Variants in EMG1 observed in about 807,000 individuals in gnomAD.
EMG1 encodes the protein EMG1 N1-specific pseudouridine methyltransferase, also known as ribosomal RNA small subunit methyltransferase NEP1.
Under a neutral mutation model 26.9 loss-of-function variants are expected in EMG1, and 24 were observed. The observed-to-expected ratio is 0.89, with a 90% CI of 0.65 to 1.26. The LOEUF is 1.26. Ranked by LOEUF, EMG1 falls within the 50% of genes most tolerant of loss-of-function variation. The probability of loss-of-function intolerance (pLI) is 0.00; values close to 1 mark genes in which losing one functional copy is unlikely to be tolerated. For synonymous variants in EMG1, 140 were observed against 112.6 expected (o/e 1.24, Z -1.54); for missense variants, 299 against 307.6 (o/e 0.97, Z 0.21).
downstream of EMG1, among the ~76,000 whole-genome samples, chr12:6,990,759 A>G (rs782510835): frequency 1.2e-4 from 18 of 150,600 alleles, no homozygotes; most frequent in South Asian, 2.3e-3. Flanking sequence ...CCTACTAAAA[A>G]TACAAAAACC....
At chr12:6,971,183 A>C in intron 1 of EMG1, 92 bp downstream of exon 1, 1 of 1,086,808 alleles carries the variant, frequency 9.2e-7, no homozygotes, top group African/African-American at 1.6e-5. Context: ...TGTAGAAAGC[A>C]GAGAGGGGTG....
Position 6,979,309 on chromosome 12 carries a change from A to G in EMG1, c.*3500A>G, listed in dbSNP as rs1285513092. 9.6e-6 allele frequency: 6 copies of G among 627,612 alleles called. No homozygotes were observed. 38.9% of individuals were successfully genotyped at this position (627,612 alleles called of 1,614,324 possible). A position where few individuals can be genotyped will look rare whatever the true frequency, so the allele number is the denominator to read the frequency against. Reference sequence around the variant, plus strand: ...GGTTGTTCAGTGCTGGCTGATGAACATGTCCCAGCACGGCTGGCATTGACA... The same window carrying G: ...GGTTGTTCAGTGCTGGCTGATGAACGTGTCCCAGCACGGCTGGCATTGACA... On this transcript the variant is annotated 3_prime_UTR_variant, in exon 6 of 6. Transcript: ENST00000599672.
At chr12:6,988,987 GT>G (rs782790764), downstream of EMG1, among the ~76,000 whole-genome samples, 6 of 152,014 alleles carry the variant, frequency 3.9e-5, no homozygotes, top group African/African-American at 7.2e-5. Context: ...TTAGCTGGGC[GT>G]GGTAGTGCAT....
At chr12:6,994,388 A>G (rs1363056844) in intron 7 of EMG1, among the ~76,000 whole-genome samples, 1 of 151,724 alleles carries the variant, frequency 6.6e-6, no homozygotes, top group African/African-American at 2.4e-5. Flanking sequence ...TTGTATTTTC[A>G]GTAGAGATGG....
In EMG1 at chr12:6,987,887, G is replaced by A. The variant is rs1946543962; in HGVS notation, c.*211+49G>A. 5.0e-6 allele frequency: 2 copies of A among 400,508 alleles called. No individual in the cohort carries two copies. The highest frequency in any genetic ancestry group is 4.4e-5 in the Admixed American group (1 of 22,712). 24.8% of individuals were successfully genotyped at this position (400,508 alleles called of 1,614,324 possible). On this transcript the variant is annotated intron_variant and NMD_transcript_variant, in intron 7 of 7. Coordinates refer to the EMG1 transcript ENST00000261406. This position sits in a 1 kb window ranked among gnomAD's most constrained non-coding sequence, Gnocchi z 4.1. ...TCTAACAAGGCCTACACTGTCCTGA[G>A]TTCTGAGTTCTTGTGTCCACTTCTT...
In EMG1 at chr12:6,977,882, G is replaced by C; in HGVS notation, c.*2073G>C. On this transcript the variant is annotated 3_prime_UTR_variant, in exon 6 of 6. Coordinates refer to ENST00000599672, the MANE Select transcript of EMG1 (RefSeq NM_006331.8). The surrounding 1 kb of genome is among the most constrained non-coding windows in gnomAD (Gnocchi z 4.5). Reference sequence around the variant, plus strand: ...CGTGTAGCCCCCAGAGGGTACAGGAGGCAGTGCTGACTGATTACTTTTAGA... The same window carrying C: ...CGTGTAGCCCCCAGAGGGTACAGGACGCAGTGCTGACTGATTACTTTTAGA... 1 of 1,002,740 alleles carries C rather than the reference G, an allele frequency of 1.0e-6. No homozygotes were observed. 62.1% of individuals were successfully genotyped at this position (1,002,740 alleles called of 1,614,324 possible). A position where few individuals can be genotyped will look rare whatever the true frequency, so the allele number is the denominator to read the frequency against.
downstream of EMG1, among the ~76,000 whole-genome samples, chr12:6,989,307 A>G (rs1482856774): frequency 6.7e-6 from 1 of 148,232 alleles, no homozygotes; most frequent in Non-Finnish European, 1.5e-5. Flanking sequence ...GACATTCAAA[A>G]TGCGTGTTTT....
rs1424218313 is a variant in EMG1 at position 6,979,501 on chromosome 12, T to C, written c.*3692T>C. On this transcript the variant is annotated 3_prime_UTR_variant, in exon 6 of 6. Coordinates refer to ENST00000599672, the MANE Select transcript of EMG1 (RefSeq NM_006331.8). ...AGTCTTCAGTGAGGAGATAGTCTTCTGTGATGTGGGGGCTGAGCAGTGTGT... is the reference window on the plus strand; with the variant it reads ...AGTCTTCAGTGAGGAGATAGTCTTCCGTGATGTGGGGGCTGAGCAGTGTGT... 3 of 1,613,928 alleles carry C rather than the reference T, an allele frequency of 1.9e-6. No individual in the cohort carries two copies. Among genetic ancestry groups the C allele is most frequent in the Non-Finnish European group, 2.5e-6 (3 of 1,179,762 alleles).
At chr12:6,973,122 A>C (rs1326574469) in intron 1 of EMG1, among the ~76,000 whole-genome samples, 2 of 150,896 alleles carry the variant, frequency 1.3e-5, no homozygotes, top group East Asian at 3.9e-4. Flanking sequence ...TCACAGGCAT[A>C]AGCCACCACA....
In EMG1 at chr12:6,979,293, G is replaced by T. The variant is rs1946445143; in HGVS notation, c.*3484G>T. 1.6e-6 allele frequency: 1 copy of T among 617,338 alleles called. No individual in the cohort carries two copies. The highest frequency in any genetic ancestry group is 2.7e-5 in the Admixed American group (1 of 37,138). 38.2% of individuals were successfully genotyped at this position (617,338 alleles called of 1,614,324 possible). ...GCCCTGTGCCCGCGAAGGTTGTTCA[G>T]TGCTGGCTGATGAACATGTCCCAGC... On this transcript the variant is annotated 3_prime_UTR_variant, in exon 6 of 6. Transcript: ENST00000599672.
chr12:6,982,939 T>A, downstream of EMG1: 1 of 666,564 alleles, frequency 1.5e-6, no homozygotes. Flanking sequence ...AATTATTTAT[T>A]AAAATAAAAA....
At chr12:6,995,750 T>C (rs1283120955) in intron 7 of EMG1, among the ~76,000 whole-genome samples, 2 of 152,128 alleles carry the variant, frequency 1.3e-5, no homozygotes, top group Non-Finnish European at 2.9e-5. Context: ...AAACCATCAA[T>C]AGCTCCCAGC....
rs182644557 is a variant in EMG1, at chr12:6,987,988, G to T, written c.*211+150G>T. 1.7e-3 allele frequency: 653 copies of T among 395,444 alleles called. 3 individuals are homozygous for T. Among genetic ancestry groups the T allele is most frequent in the African/African-American group, 0.012 (564 of 48,576 alleles). 24.5% of individuals were successfully genotyped at this position (395,444 alleles called of 1,614,324 possible). A position where few individuals can be genotyped will look rare whatever the true frequency, so the allele number is the denominator to read the frequency against. On this transcript the variant is annotated intron_variant and NMD_transcript_variant, in intron 7 of 7. Coordinates refer to the EMG1 transcript ENST00000261406. This position sits in a 1 kb window ranked among gnomAD's most constrained non-coding sequence, Gnocchi z 4.1. ...TGAACTTTTGGGGTGCTTGGCAATA[G>T]TTCCTCTCCCTACTCCTAATTTACG...
In EMG1 at chr12:6,994,359, C is replaced by T. The variant is rs782213673; in HGVS notation, c.*212-2866C>T. 8.6e-5 allele frequency among the ~76,000 whole-genome samples: 13 copies of T among 151,836 alleles called. No individual in the cohort carries two copies. In the South Asian group the frequency reaches 2.5e-3, roughly 29 times the overall value. On this transcript the variant is annotated intron_variant and NMD_transcript_variant, in intron 7 of 7. Coordinates refer to the EMG1 transcript ENST00000607161. The stretch of plus-strand genomic sequence containing the variant: ...AGTAGCTGGGATTACAGGTGTGCAC[C>T]ACCATGCCCAGCTAATTTTTGTATT...
intron 6 of EMG1, among the ~76,000 whole-genome samples, chr12:6,986,545 G>A (rs1442174594): frequency 6.6e-6 from 1 of 151,988 alleles, no homozygotes; most frequent in Non-Finnish European, 1.5e-5. Flanking sequence ...AGCACTTTGG[G>A]AGGCTGAAGC....
downstream of EMG1, among the ~76,000 whole-genome samples, chr12:6,989,466 ACGCC>A (rs1424698222): frequency 6.6e-6 from 1 of 151,672 alleles, no homozygotes; most frequent in Non-Finnish European, 1.5e-5. Flanking sequence ...GCCCGCCATC[ACGCC>A]CAGCTAATTT....
At chr12:6,981,487 A>G, downstream of EMG1, 1 of 1,075,210 alleles carries the variant, frequency 9.3e-7, no homozygotes, top group Non-Finnish European at 1.4e-6. Context: ...CAGGCTGGGG[A>G]ATGAGGGAGA....
At chr12:6,994,136 T>C (rs1946614159) in intron 7 of EMG1, among the ~76,000 whole-genome samples, 1 of 152,144 alleles carries the variant, frequency 6.6e-6, no homozygotes, top group Non-Finnish European at 1.5e-5. Context: ...TGTACAAGTT[T>C]TTGTGTGAAC....
intron 1 of EMG1, 65 bp from the exon 2 acceptor site, chr12:6,974,274 G>GA: frequency 8.0e-7 from 1 of 1,253,840 alleles, no homozygotes; most frequent in Non-Finnish European, 1.1e-6. Context: ...GACCACACTT[G>GA]AAGAACCACG....
Sources: gnomAD v4.1 joint callset for allele counts (sites outside exome capture counted in the v4.1 genomes callset) on GRCh38, gnomAD v4.1.1 for gene constraint, Gnocchi (gnomAD v3.1) non-coding constraint, MANE v1.5 for transcripts, NCBI Gene and HGNC (gene_info 2026-07-23, HGNC 2026-07-21) for gene names.